Variants in DKK2 observed in about 807,000 individuals in gnomAD.
DKK2 encodes the protein dickkopf-related protein 2.
In DKK2, 11 loss-of-function variants were observed where a neutral mutation model predicts 28.1. The ratio of observed to expected loss-of-function variants is 0.39; its 90% CI spans 0.25 to 0.65. The LOEUF is 0.65. Ranked by LOEUF, DKK2 falls within the 30% of genes least tolerant of loss-of-function variation. The pLI is 0.47. For synonymous variants in DKK2, 135 were observed against 126.5 expected, an observed-to-expected ratio of 1.07 and a Z score of -0.45; for missense variants, 326 against 335.5, an observed-to-expected ratio of 0.97 and a Z score of 0.22.
In DKK2 at chr4:106,971,273, T is replaced by C. The variant is rs190840156; in HGVS notation, c.223-45324A>G. ...CTTGATATGCAATTTCTTTGTGTTA[T>C]GGATTTTTCTGTCTTAAAAGGAAAT... On this transcript the variant is annotated intron_variant, in intron 1 of 3. Coordinates refer to ENST00000285311, the MANE Select transcript of DKK2 (RefSeq NM_014421.3). Among the ~76,000 whole-genome samples the C allele has an allele frequency of 8.0e-4, 122 of 152,268 alleles. 1 individual carries two copies. Among genetic ancestry groups the C allele is most frequent in the Non-Finnish European group, 1.2e-3 (79 of 68,002 alleles).
rs371176102 is a variant in DKK2, at chr4:106,924,217, T to C, written c.530-13A>G. The C allele has an allele frequency of 1.2e-5, 20 of 1,613,530 alleles. No individual in the cohort carries two copies. The East Asian group carries it at 4.2e-4, about 34-fold the overall frequency. The stretch of plus-strand genomic sequence containing the variant: ...TCTCCTTCATGCCCTGCAGAGATGA[T>C]GACCAATAGATGTTACCCTGACACT... On this transcript the variant is annotated splice_polypyrimidine_tract_variant and intron_variant, in intron 3 of 3. Transcript: ENST00000285311.
rs537706828 is a variant in DKK2 at position 106,991,461 on chromosome 4, A to AT, written c.222+43908dup. 5.9e-4 allele frequency among the ~76,000 whole-genome samples: 90 copies of AT among 152,212 alleles called. 2 individuals are homozygous for AT. In the South Asian group the frequency reaches 0.018, roughly 31 times the overall value. ...GAGGTGATTCTTCCTAAGATACCAC[A>AT]TTTTTTGTCATCCCATTAGTCAAGA... On this transcript the variant is annotated intron_variant, in intron 1 of 3. Transcript: ENST00000285311.
Position 106,924,643 on chromosome 4 carries a change from C to T in DKK2, c.431G>A (p.Gly144Asp). The T allele has an allele frequency of 6.2e-7, 1 of 1,613,808 alleles. No individual in the cohort carries two copies. Among genetic ancestry groups the T allele is most frequent in the Non-Finnish European group, 8.5e-7 (1 of 1,179,838 alleles). Residue 144 changes from glycine to aspartate, a missense_variant, in exon 3 of 4, where the codon GGT becomes GAT. Coordinates refer to ENST00000285311, the MANE Select transcript of DKK2 (RefSeq NM_014421.3). ...GTGGTTTCGATCTCTGTGCCGAGTA[C>T]CATCCAGAGCCGGGATGTGAGGGGT... ...ILTPHIPALD[G>D]TRHRDRNHGH...
At chr4:106,924,768 C>G (rs987999458) in intron 2 of DKK2, 68 bp from the exon 3 acceptor site, 2 of 1,450,726 alleles carry the variant, frequency 1.4e-6, no homozygotes, top group Non-Finnish European at 1.9e-6. Context: ...TCCACATACT[C>G]TCTTGATGTG....
intron 1 of DKK2, among the ~76,000 whole-genome samples, chr4:106,976,552 G>C (rs1189201715): frequency 1.3e-5 from 2 of 152,064 alleles, no homozygotes. Context: ...TCAGAGACTA[G>C]GATTGCAACC....
intron 1 of DKK2, among the ~76,000 whole-genome samples, chr4:106,937,607 C>A (rs1243099065): frequency 6.6e-6 from 1 of 151,916 alleles, no homozygotes; most frequent in Non-Finnish European, 1.5e-5. Flanking sequence ...CAGCTCTTCA[C>A]CAAGCGGACC....
chr4:107,020,079 T>A lies in DKK2; in HGVS notation c.222+15291A>T, dbSNP rs1723668307. The stretch of plus-strand genomic sequence containing the variant: ...TTTCTACTAAAAAACAGGGTTATAT[T>A]TTTAGGTCTTAATTTTGTAAGGTTC... On this transcript the variant is annotated intron_variant, in intron 1 of 3. Coordinates refer to ENST00000285311, the MANE Select transcript of DKK2 (RefSeq NM_014421.3). 3.3e-5 allele frequency among the ~76,000 whole-genome samples: 5 copies of A among 152,160 alleles called. No homozygotes were observed. In the South Asian group the frequency reaches 1.0e-3, roughly 32 times the overall value.
rs968034642 is a variant in DKK2 at position 106,922,803 on chromosome 4, T to C, written c.*1151A>G. ...CCCATGCAGATATTCATTTAGACTG[T>C]GCATCCCCTGGTTTCAAAGATGAAC... On this transcript the variant is annotated 3_prime_UTR_variant, in exon 4 of 4. Coordinates refer to ENST00000285311, the MANE Select transcript of DKK2 (RefSeq NM_014421.3). The C allele has an allele frequency of 6.6e-6, 1 of 152,188 alleles. No homozygotes were observed. Among genetic ancestry groups the C allele is most frequent in the Non-Finnish European group, 1.5e-5 (1 of 68,038 alleles). 9.4% of individuals were successfully genotyped at this position (152,188 alleles called of 1,614,324 possible).
chr4:106,989,729 G>C (rs554975947), intron 1 of DKK2, among the ~76,000 whole-genome samples: 33 of 152,298 alleles, frequency 2.2e-4, no homozygotes, highest in African/African-American at 7.7e-4. Flanking sequence ...AATCATAGTA[G>C]ATTGTTCTGT....
chr4:106,935,831 G>T (rs1033443955), intron 1 of DKK2, among the ~76,000 whole-genome samples: 46 of 152,178 alleles, frequency 3.0e-4, no homozygotes, highest in Non-Finnish European at 6.6e-4. Flanking sequence ...CAGCCTAACT[G>T]GGAGGCACAC....
chr4:106,955,532 A>C (rs1339419345), intron 1 of DKK2, among the ~76,000 whole-genome samples: 1 of 152,030 alleles, frequency 6.6e-6, no homozygotes. Flanking sequence ...CCATGAATTC[A>C]CCACAGTCTC....
At chr4:106,983,662 TTAAAG>T (rs1317176200) in intron 1 of DKK2, among the ~76,000 whole-genome samples, 2 of 152,148 alleles carry the variant, frequency 1.3e-5, no homozygotes, top group East Asian at 3.8e-4. Context: ...ATTAAAAAGA[TTAAAG>T]GACAAGTGGC....
At position 106,964,901 on chromosome 4, in the gene DKK2, A is replaced by G. The variant is rs1478008283; in HGVS notation, c.223-38952T>C. 3.3e-5 allele frequency among the ~76,000 whole-genome samples: 5 copies of G among 152,012 alleles called. No individual in the cohort carries two copies. In the East Asian group the frequency reaches 9.7e-4, roughly 29 times the overall value. Reference sequence around the variant, plus strand: ...GTCAGCCAATTTCTTAAACAACATGATAGATGATAGATAGGAGAGAGAGAG... The same window carrying G: ...GTCAGCCAATTTCTTAAACAACATGGTAGATGATAGATAGGAGAGAGAGAG... On this transcript the variant is annotated intron_variant, in intron 1 of 3. Coordinates refer to ENST00000285311, the MANE Select transcript of DKK2 (RefSeq NM_014421.3).
chr4:106,988,787 G>T (rs1723162800), intron 1 of DKK2, among the ~76,000 whole-genome samples: 2 of 152,306 alleles, frequency 1.3e-5, no homozygotes, highest in Middle Eastern at 6.8e-3. Context: ...AGAAAGCACT[G>T]TTAAGTCTCC....
intron 1 of DKK2, among the ~76,000 whole-genome samples, chr4:107,033,313 T>C (rs1426902607): frequency 1.3e-5 from 2 of 152,162 alleles, no homozygotes; most frequent in African/African-American, 4.8e-5. Context: ...GAAATTCAAC[T>C]CATTTGTGAA....
chr4:107,015,001 T>C (rs1321736253), intron 1 of DKK2, among the ~76,000 whole-genome samples: 6 of 151,612 alleles, frequency 4.0e-5, no homozygotes, highest in Non-Finnish European at 7.4e-5. Context: ...GGTTGTTTCT[T>C]GTCTTTTGAC....
chr4:106,966,121 G>C (rs754345758), intron 1 of DKK2, among the ~76,000 whole-genome samples: 20 of 152,066 alleles, frequency 1.3e-4, no homozygotes, highest in Non-Finnish European at 2.6e-4. Flanking sequence ...AAATAATTTG[G>C]GAAAATGTAA....
Position 106,923,814 on chromosome 4 carries a change from C to A in DKK2, c.*140G>T. 8.3e-7 allele frequency: 1 copy of A among 1,199,102 alleles called. No individual in the cohort carries two copies. Among genetic ancestry groups the A allele is most frequent in the Non-Finnish European group, 1.2e-6 (1 of 865,500 alleles). 74.3% of individuals were successfully genotyped at this position (1,199,102 alleles called of 1,614,324 possible). On this transcript the variant is annotated 3_prime_UTR_variant, in exon 4 of 4. Coordinates refer to ENST00000285311, the MANE Select transcript of DKK2 (RefSeq NM_014421.3). ...CTATTCAGTTCATGTTTTCTTTCTC[C>A]CTTTTTGTGATCATCTATATTCTTA...
intron 1 of DKK2, among the ~76,000 whole-genome samples, chr4:106,932,543 C>G (rs1040744472): frequency 6.6e-6 from 1 of 152,128 alleles, no homozygotes; most frequent in African/African-American, 2.4e-5. Context: ...CTAGAGATAT[C>G]TAAACTACGA....
Sources: allele counts gnomAD v4.1 joint callset (sites outside exome capture counted in the v4.1 genomes callset), GRCh38; gene constraint gnomAD v4.1.1; transcripts MANE v1.5; gene names NCBI Gene and HGNC (gene_info 2026-07-23, HGNC 2026-07-21).